The following PIK3C2G variants were observed in gnomAD, a reference collection of about 807,000 sequenced individuals.
PIK3C2G encodes the protein phosphatidylinositol-4-phosphate 3-kinase catalytic subunit type 2 gamma.
A neutral mutation model predicts 181.1 loss-of-function variants in PIK3C2G; 168 were observed. The ratio of observed to expected loss-of-function variants is 0.93; its 90% CI spans 0.82 to 1.05. The LOEUF (loss-of-function observed/expected upper bound fraction) is 1.05. PIK3C2G is among the 50% of genes least tolerant of loss of function. The pLI, the probability that PIK3C2G is intolerant of heterozygous loss-of-function variation, is 0.00. For missense variants in PIK3C2G, 1,869 were observed against 1,732.8 expected (o/e 1.08, Z -1.40); for synonymous variants, 573 against 592.2 (o/e 0.97, Z 0.47).
intron 18 of PIK3C2G, among the ~76,000 whole-genome samples, chr12:18,486,734 T>C (rs1036992969): frequency 1.3e-5 from 2 of 151,944 alleles, no homozygotes; most frequent in Non-Finnish European, 2.9e-5. Flanking sequence ...AACATAGAAA[T>C]ACTCCATCGA....
Position 18,496,517 on chromosome 12 carries a change from G to C in PIK3C2G, c.2886+363G>C, listed in dbSNP as rs140936692. 1.1e-3 allele frequency among the ~76,000 whole-genome samples: 167 copies of C among 152,154 alleles called. 1 individual carries two copies. Among genetic ancestry groups the C allele is most frequent in the African/African-American group, 3.8e-3 (159 of 41,524 alleles). ...ATTAACTGGAACTGAAATGACATAA[G>C]TTAATTTAACATTAAATTCTTGCCT... is the stretch of plus-strand genomic sequence containing the variant. On this transcript the variant is annotated intron_variant, in intron 21 of 32. Transcript: ENST00000538779.
the PIK3C2G span, chr12:18,719,780 G>T: frequency 2.1e-6 from 1 of 465,796 alleles, no homozygotes; most frequent in South Asian, 6.7e-5. Context: ...TATTTATGTT[G>T]TTTGGAAACA....
At chr12:18,607,660 C>T (rs1948103621) in intron 30 of PIK3C2G, among the ~76,000 whole-genome samples, 1 of 152,116 alleles carries the variant, frequency 6.6e-6, no homozygotes, top group Non-Finnish European at 1.5e-5. Context: ...ATGTCTAAAA[C>T]ACCAAAAACA....
chr12:18,576,650 C>T (rs1040131853), intron 29 of PIK3C2G, among the ~76,000 whole-genome samples: 1 of 152,146 alleles, frequency 6.6e-6, no homozygotes, highest in Non-Finnish European at 1.5e-5. Context: ...TATAACATGT[C>T]TTAATCTATT....
the PIK3C2G span, among the ~76,000 whole-genome samples, chr12:18,686,632 C>G: frequency 2.0e-5 from 3 of 152,046 alleles, no homozygotes; most frequent in Admixed American, 6.6e-5. Context: ...TCTCCAAGAA[C>G]CATCTCCAAA....
At chr12:18,475,563 T>C (rs900322779) in intron 18 of PIK3C2G, among the ~76,000 whole-genome samples, 26 of 152,164 alleles carry the variant, frequency 1.7e-4, no homozygotes, top group African/African-American at 5.8e-4. Context: ...ACTAAGTTCA[T>C]TTAGTTATGC....
intron 13 of PIK3C2G, among the ~76,000 whole-genome samples, chr12:18,380,180 C>T (rs562245267): frequency 1.8e-4 from 28 of 152,262 alleles, no homozygotes; most frequent in African/African-American, 5.3e-4. Flanking sequence ...CAAACTGGGA[C>T]GCCTATGTCC....
Position 18,290,841 on chromosome 12 carries a change from C to A in PIK3C2G, c.762-14C>A. On this transcript the variant is annotated splice_polypyrimidine_tract_variant and intron_variant, in intron 3 of 32. Coordinates refer to ENST00000538779, the MANE Select transcript of PIK3C2G (RefSeq NM_001288772.2). ...GTCTTGTCCTAAGTATTTTTCTTAA[C>A]ATATGTTTTTCAGAATCAGAGAAAG... 1 of 1,556,658 alleles carries A rather than the reference C, an allele frequency of 6.4e-7. No individual in the cohort carries two copies. Among genetic ancestry groups the A allele is most frequent in the African/African-American group, 1.4e-5 (1 of 73,986 alleles).
chr12:18,338,546 G>A lies in PIK3C2G; in HGVS notation c.1393G>A (p.Glu465Lys). The A allele has an allele frequency of 6.3e-7, 1 of 1,586,730 alleles. No individual in the cohort carries two copies. Among genetic ancestry groups the A allele is most frequent in the Middle Eastern group, 1.7e-4 (1 of 5,978 alleles). Reference protein sequence around the residue: ...ELSLILQRKGENFYQSSETSA... With the variant: ...ELSLILQRKGKNFYQSSETSA... ...AAGTCTAATTCTTCAGAGAAAAGGAGAGGTAAGTACATTCATTTATTACAC... is the reference window on the plus strand; with the variant it reads ...AAGTCTAATTCTTCAGAGAAAAGGAAAGGTAAGTACATTCATTTATTACAC... Residue 465 changes from glutamate (E) to lysine (K), a missense_variant and splice_region_variant, in exon 9 of 33, where the codon GAG becomes AAG. Transcript: ENST00000538779.
At chr12:18,702,256 G>C in the PIK3C2G span, among the ~76,000 whole-genome samples, 1 of 151,578 alleles carries the variant, frequency 6.6e-6, no homozygotes, top group African/African-American at 2.4e-5. Flanking sequence ...TCGTAATAAA[G>C]GCTCTTCAAA....
At chr12:18,552,422 C>T (rs1019609802) in intron 26 of PIK3C2G, among the ~76,000 whole-genome samples, 9 of 151,888 alleles carry the variant, frequency 5.9e-5, no homozygotes, top group African/African-American at 1.9e-4. Context: ...TACTGTGATG[C>T]GAACTGTGGT....
chr12:18,495,236 T>C (rs1420477846), intron 20 of PIK3C2G, among the ~76,000 whole-genome samples: 2 of 152,096 alleles, frequency 1.3e-5, no homozygotes, highest in Non-Finnish European at 2.9e-5. Context: ...AAGTCTTCAA[T>C]GCCATCATGA....
chr12:18,392,853 G>A (rs1274450509), intron 15 of PIK3C2G, among the ~76,000 whole-genome samples: 2 of 152,040 alleles, frequency 1.3e-5, no homozygotes, highest in East Asian at 3.9e-4. Context: ...ACCTTGCATA[G>A]TTTCTGGTAT....
At chr12:18,494,412 G>T (rs748553562) in intron 20 of PIK3C2G, among the ~76,000 whole-genome samples, 1 of 152,038 alleles carries the variant, frequency 6.6e-6, no homozygotes, top group South Asian at 2.1e-4. Context: ...GGGTGTGGGT[G>T]TGTGTCTGTG....
chr12:18,312,229 A>C (rs528175074), intron 5 of PIK3C2G, among the ~76,000 whole-genome samples: 43 of 152,302 alleles, frequency 2.8e-4, no homozygotes, highest in Non-Finnish European at 4.4e-4. Flanking sequence ...AATATTAACC[A>C]ACACACTAGA....
intron 5 of PIK3C2G, among the ~76,000 whole-genome samples, chr12:18,311,990 A>G (rs1050776720): frequency 1.3e-5 from 2 of 152,210 alleles, no homozygotes; most frequent in African/African-American, 4.8e-5. Context: ...AGCATCCAGC[A>G]TGGGAGAAAG....
the PIK3C2G span, among the ~76,000 whole-genome samples, chr12:18,682,840 C>T: frequency 9.8e-3 from 1,493 of 152,068 alleles, 32 homozygotes; most frequent in African/African-American, 0.034. Flanking sequence ...CACAAAAATA[C>T]GCAGTAGTGG....
At chr12:18,655,039 A>G in the PIK3C2G span, among the ~76,000 whole-genome samples, 2 of 112,734 alleles carry the variant, frequency 1.8e-5, no homozygotes, top group East Asian at 4.9e-4. Flanking sequence ...TCTTAAAAGT[A>G]TACAGAAACA....
chr12:18,500,045 G>A (rs894990892), intron 22 of PIK3C2G, among the ~76,000 whole-genome samples: 10 of 152,240 alleles, frequency 6.6e-5, no homozygotes, highest in African/African-American at 2.2e-4. Context: ...CCACTTTGGC[G>A]GCACTTGAGG....
Sources: gnomAD v4.1 joint callset for allele counts (sites outside exome capture counted in the v4.1 genomes callset) on GRCh38, gnomAD v4.1.1 for gene constraint, MANE v1.5 for transcripts, NCBI Gene and HGNC (gene_info 2026-07-23, HGNC 2026-07-21) for gene names.